The following POLR1C variants were observed in gnomAD, a reference collection of about 807,000 sequenced individuals.
POLR1C encodes DNA-directed RNA polymerases I and III subunit RPAC1.
POLR1C carries 42 observed loss-of-function variants against 38.3 expected under a neutral mutation model. That is an observed-to-expected ratio of 1.10 (90% confidence interval 0.86 to 1.42). The LOEUF (loss-of-function observed/expected upper bound fraction) is 1.42. POLR1C is among the 40% of genes most tolerant of loss of function. The pLI, the probability that POLR1C is intolerant of heterozygous loss-of-function variation, is 0.00. For missense variants in POLR1C, 507 were observed against 450.5 expected, an observed-to-expected ratio of 1.13 and a Z score of -1.14; for synonymous variants, 163 against 163.9, an observed-to-expected ratio of 0.99 and a Z score of 0.04.
chr6:43,558,498 T>C (rs1405200952), intron 10 of POLR1C: 2 of 1,595,056 alleles, frequency 1.3e-6, no homozygotes, highest in African/African-American at 1.3e-5. Flanking sequence ...CAACATCACT[T>C]ACAGTTGAAG....
downstream of POLR1C, chr6:43,525,335 G>GT (rs1442121358): frequency 1.7e-5 from 16 of 948,650 alleles, no homozygotes; most frequent in African/African-American, 2.5e-4. Flanking sequence ...AGATGGGTTT[G>GT]TTTTGTTGCC....
At chr6:43,553,717 G>T in intron 10 of POLR1C, 1 of 992,962 alleles carries the variant, frequency 1.0e-6, no homozygotes, top group Non-Finnish European at 1.3e-6. Context: ...TTCCTACCAT[G>T]CCTCCTCCTC....
downstream of POLR1C, chr6:43,525,933 G>T (rs1364847115): frequency 5.6e-6 from 9 of 1,613,558 alleles, no homozygotes; most frequent in Non-Finnish European, 7.6e-6. Flanking sequence ...TGTTATCAGA[G>T]AGTAGAATGT....
intron 9 of POLR1C, among the ~76,000 whole-genome samples, chr6:43,542,082 C>T (rs1794725526): frequency 6.6e-6 from 1 of 152,220 alleles, no homozygotes; most frequent in South Asian, 2.1e-4. Context: ...CGCACCCGGC[C>T]GATTTTAGAA....
downstream of POLR1C, among the ~76,000 whole-genome samples, chr6:43,532,821 A>G (rs1794066567): frequency 6.6e-6 from 1 of 152,204 alleles, no homozygotes; most frequent in Non-Finnish European, 1.5e-5. Flanking sequence ...TTTCAATGGG[A>G]AAATGAATTA....
downstream of POLR1C, chr6:43,531,651 A>C: frequency 7.7e-7 from 1 of 1,297,490 alleles, no homozygotes; most frequent in African/African-American, 1.5e-5. Flanking sequence ...TACAGCAGGA[A>C]GCTGTTGTTC....
chr6:43,536,272 G>A (rs763338254), intron 9 of POLR1C, among the ~76,000 whole-genome samples: 8 of 151,054 alleles, frequency 5.3e-5, no homozygotes, highest in Admixed American at 4.0e-4. Flanking sequence ...AAAATTAGCC[G>A]GGTGTGGTGG....
chr6:43,523,806 C>G (rs752163480), downstream of POLR1C: 2 of 1,612,910 alleles, frequency 1.2e-6, no homozygotes, highest in African/African-American at 2.7e-5. Flanking sequence ...GCCTAGAGAT[C>G]GGCTACAAAG....
In POLR1C at chr6:43,551,170, C is replaced by T. The variant is rs574434895; in HGVS notation, c.*48+159C>T. On this transcript the variant is annotated intron_variant, in intron 10 of 10. Coordinates refer to the POLR1C transcript ENST00000607635. Reference sequence around the variant, plus strand: ...ACTCAGAAGGGTGAGGTGTGAGGATCCCTTGAGACTAGTAATTTGAGTCCA... The same window carrying T: ...ACTCAGAAGGGTGAGGTGTGAGGATTCCTTGAGACTAGTAATTTGAGTCCA... The T allele has an allele frequency of 1.7e-5, 16 of 941,692 alleles. 1 individual carries two copies. The Admixed American group carries it at 3.0e-4, about 18-fold the overall frequency. 58.3% of individuals were successfully genotyped at this position (941,692 alleles called of 1,614,324 possible). A position where few individuals can be genotyped will look rare whatever the true frequency, so the allele number is the denominator to read the frequency against.
chr6:43,544,132 A>C (rs1353611901), intron 9 of POLR1C: 1 of 153,118 alleles, frequency 6.5e-6, no homozygotes, highest in Non-Finnish European at 1.5e-5. Flanking sequence ...AAAGTATCAA[A>C]ATGATAACCA....
chr6:43,560,112 C>A lies in POLR1C; in HGVS notation c.*49-1288C>A, dbSNP rs933593918. 2.6e-6 allele frequency: 4 copies of A among 1,552,452 alleles called. No homozygotes were observed. In the Admixed American group the frequency reaches 5.5e-5, roughly 21 times the overall value. Reference sequence around the variant, plus strand: ...GGGATTATAGGCGTGAGCCACCGCACCCAGCCTCAAAGTCTTATTATGTGT... The same window carrying A: ...GGGATTATAGGCGTGAGCCACCGCAACCAGCCTCAAAGTCTTATTATGTGT... On this transcript the variant is annotated intron_variant, in intron 10 of 10. Coordinates refer to the POLR1C transcript ENST00000607635.
chr6:43,525,651 T>C, downstream of POLR1C: 1 of 609,816 alleles, frequency 1.6e-6, no homozygotes. Context: ...CTCCTGCCTA[T>C]GCTGGTATGG....
intron 2 of POLR1C, among the ~76,000 whole-genome samples, chr6:43,517,643 C>T (rs1252529900): frequency 1.3e-5 from 2 of 151,614 alleles, no homozygotes; most frequent in Non-Finnish European, 2.9e-5. Flanking sequence ...ATGAAGACGG[C>T]AGGGTTGGGG....
At chr6:43,554,148 C>T (rs1024784741) in intron 10 of POLR1C, among the ~76,000 whole-genome samples, 1 of 152,196 alleles carries the variant, frequency 6.6e-6, no homozygotes, top group Admixed American at 6.5e-5. Flanking sequence ...CCTCTGTCAC[C>T]CAGGCTGGAG....
chr6:43,525,866 G>A, downstream of POLR1C: 1 of 1,614,012 alleles, frequency 6.2e-7, no homozygotes, highest in Middle Eastern at 1.6e-4. Context: ...ATTTGCCCAG[G>A]TCTGTAAGCT....
chr6:43,549,991 T>G, intron 9 of POLR1C: 2 of 1,562,560 alleles, frequency 1.3e-6, no homozygotes, highest in Non-Finnish European at 1.7e-6. Flanking sequence ...AGATGAGATC[T>G]TGCTATGTTG....
intron 9 of POLR1C, chr6:43,538,769 TTC>T (rs1794506969): frequency 3.0e-6 from 2 of 657,128 alleles, no homozygotes; most frequent in Non-Finnish European, 4.9e-6. Context: ...CACTACATTT[TTC>T]TTTTTTTTTT....
At chr6:43,543,897 G>A (rs1046964335) in intron 9 of POLR1C, among the ~76,000 whole-genome samples, 1 of 152,064 alleles carries the variant, frequency 6.6e-6, no homozygotes, top group African/African-American at 2.4e-5. Flanking sequence ...GGCTAGTCTC[G>A]AACTGTTGAC....
At chr6:43,560,073 C>G in intron 10 of POLR1C, 1 of 1,384,862 alleles carries the variant, frequency 7.2e-7, no homozygotes, top group Admixed American at 2.3e-5. Context: ...CCCGCCTCAG[C>G]CTTCCATAGA....
Sources: gnomAD v4.1 joint callset for allele counts (sites outside exome capture counted in the v4.1 genomes callset) on GRCh38, gnomAD v4.1.1 for gene constraint, MANE v1.5 for transcripts, NCBI Gene and HGNC (gene_info 2026-07-23, HGNC 2026-07-21) for gene names.